MAPK10: variants seen among roughly 807,000 people sequenced by gnomAD.
MAPK10 encodes mitogen-activated protein kinase 10.
Under a neutral mutation model 59.3 loss-of-function variants are expected in MAPK10, and 25 were observed. The observed-to-expected ratio is 0.42, with a 90% CI of 0.31 to 0.59. The LOEUF is 0.59. MAPK10 is among the 20% of genes least tolerant of loss of function. The pLI is 0.15. For missense variants in MAPK10, 351 were observed against 568.9 expected, an observed-to-expected ratio of 0.62 and a Z score of 3.90; for synonymous variants, 190 against 200.5, an observed-to-expected ratio of 0.95 and a Z score of 0.44.
chr4:86,141,457 G>C (rs2063627311), intron 4 of MAPK10, among the ~76,000 whole-genome samples: 2 of 152,182 alleles, frequency 1.3e-5, no homozygotes, highest in African/African-American at 4.8e-5. Flanking sequence ...ACCACTGGTA[G>C]CTTACTCTTT....
At chr4:86,497,680 A>C (rs1429581936) in intron 1 of MAPK10, among the ~76,000 whole-genome samples, 1 of 152,164 alleles carries the variant, frequency 6.6e-6, no homozygotes, top group Non-Finnish European at 1.5e-5. Context: ...GCTCTTCTGG[A>C]AAGGAGGAAA....
At chr4:86,507,102 T>C (rs926021022) in intron 1 of MAPK10, among the ~76,000 whole-genome samples, 2 of 152,088 alleles carry the variant, frequency 1.3e-5, no homozygotes, top group African/African-American at 2.4e-5. Flanking sequence ...TTTACACATG[T>C]ATAACAAATT....
intron 9 of MAPK10, chr4:86,091,182 G>A (rs2053055263): frequency 6.6e-6 from 1 of 151,618 alleles, no homozygotes; most frequent in African/African-American, 2.4e-5. Flanking sequence ...AAATCATCAT[G>A]TATTAAATAA....
intron 2 of MAPK10, among the ~76,000 whole-genome samples, chr4:86,254,980 C>T (rs1236211010): frequency 1.3e-5 from 2 of 151,808 alleles, no homozygotes; most frequent in Non-Finnish European, 2.9e-5. Flanking sequence ...GAAGATGTAA[C>T]ATAAAAGTGA....
intron 2 of MAPK10, among the ~76,000 whole-genome samples, chr4:86,196,276 G>T (rs2149320435): frequency 6.6e-6 from 1 of 152,298 alleles, no homozygotes; most frequent in Middle Eastern, 3.4e-3. Flanking sequence ...GGCATGAGAT[G>T]TTATCTTATT....
chr4:86,134,504 C>A (rs1253797835), intron 4 of MAPK10, among the ~76,000 whole-genome samples: 1 of 152,180 alleles, frequency 6.6e-6, no homozygotes, highest in Non-Finnish European at 1.5e-5. Context: ...TTGCCACACA[C>A]CACACATACT....
chr4:86,395,471 C>T (rs547545684), intron 1 of MAPK10, among the ~76,000 whole-genome samples: 14 of 152,198 alleles, frequency 9.2e-5, no homozygotes, highest in Admixed American at 1.3e-4. Context: ...CCAAGAGGAG[C>T]AAAAGAATGC....
At chr4:86,292,396 A>G (rs2095252801) in intron 2 of MAPK10, among the ~76,000 whole-genome samples, 1 of 152,136 alleles carries the variant, frequency 6.6e-6, no homozygotes, top group African/African-American at 2.4e-5. Context: ...TAAGTGAATG[A>G]GGAAATTCCT....
At chr4:86,586,094 G>A (rs759079451) in intron 1 of MAPK10, among the ~76,000 whole-genome samples, 1 of 152,186 alleles carries the variant, frequency 6.6e-6, no homozygotes, top group South Asian at 2.1e-4. Flanking sequence ...GTCAGGATTA[G>A]AGCATATTCA....
intron 2 of MAPK10, among the ~76,000 whole-genome samples, chr4:86,273,186 CAA>C (rs140635858): frequency 0.066 from 10,101 of 151,900 alleles, 958 homozygotes; most frequent in African/African-American, 0.22. Context: ...AAGAAAATCA[CAA>C]AGTCTAACGT....
At chr4:86,246,275 C>CA (rs1052617302) in intron 2 of MAPK10, among the ~76,000 whole-genome samples, 47 of 151,992 alleles carry the variant, frequency 3.1e-4, no homozygotes, top group African/African-American at 1.1e-3. Context: ...ACTAAAAACA[C>CA]AAAAAATTAG....
intron 1 of MAPK10, among the ~76,000 whole-genome samples, chr4:86,498,799 A>C (rs1247982785): frequency 6.6e-6 from 1 of 152,142 alleles, no homozygotes; most frequent in Non-Finnish European, 1.5e-5. Flanking sequence ...TTTATAGCTA[A>C]CCTTAACAGC....
At chr4:86,587,725 T>G (rs1309954467) in intron 1 of MAPK10, among the ~76,000 whole-genome samples, 1 of 152,224 alleles carries the variant, frequency 6.6e-6, no homozygotes, top group Admixed American at 6.5e-5. Context: ...ACATTGCTAT[T>G]TACAGATTTA....
At chr4:86,129,970 T>C (rs1164241991) in intron 4 of MAPK10, among the ~76,000 whole-genome samples, 2 of 152,154 alleles carry the variant, frequency 1.3e-5, no homozygotes, top group African/African-American at 4.8e-5. Context: ...TTGGCAAAAA[T>C]GAAAACGTGT....
intron 2 of MAPK10, among the ~76,000 whole-genome samples, chr4:86,312,476 G>A (rs2095690010): frequency 6.6e-6 from 1 of 151,986 alleles, no homozygotes; most frequent in African/African-American, 2.4e-5. Context: ...CGGACTTCTG[G>A]TTGAAAGGTG....
chr4:86,480,840 G>A (rs184080914), intron 1 of MAPK10, among the ~76,000 whole-genome samples: 14 of 152,292 alleles, frequency 9.2e-5, no homozygotes, highest in Admixed American at 3.9e-4. Flanking sequence ...CTTCAGAAAT[G>A]AAGATCGAAA....
intron 2 of MAPK10, among the ~76,000 whole-genome samples, chr4:86,202,752 G>A (rs948670083): frequency 6.6e-6 from 1 of 151,940 alleles, no homozygotes; most frequent in African/African-American, 2.4e-5. Context: ...AACAAACAAT[G>A]TGTTTTAACT....
chr4:86,436,641 T>C (rs1206070150), intron 1 of MAPK10, among the ~76,000 whole-genome samples: 1 of 152,222 alleles, frequency 6.6e-6, no homozygotes, highest in Non-Finnish European at 1.5e-5. Context: ...TACTTAATTC[T>C]AAAATTTAGT....
At chr4:86,150,880 T>G (rs2066278055) in intron 4 of MAPK10, among the ~76,000 whole-genome samples, 1 of 152,080 alleles carries the variant, frequency 6.6e-6, no homozygotes, top group Non-Finnish European at 1.5e-5. Flanking sequence ...GAATTGGAAC[T>G]GCTTGTAAAA....
Sources: allele counts gnomAD v4.1 joint callset (sites outside exome capture counted in the v4.1 genomes callset), GRCh38; gene constraint gnomAD v4.1.1; transcripts MANE v1.5; gene names NCBI Gene and HGNC (gene_info 2026-07-23, HGNC 2026-07-21).